Variants in NCALD observed in about 807,000 individuals in gnomAD.
The protein encoded by NCALD is neurocalcin delta.
NCALD carries 10 observed loss-of-function variants against 18.6 expected under a neutral mutation model. The observed-to-expected ratio is 0.54, with a 90% CI of 0.33 to 0.91. The LOEUF (loss-of-function observed/expected upper bound fraction) is 0.91. Ranked by LOEUF, NCALD falls within the 40% of genes least tolerant of loss-of-function variation. The probability of loss-of-function intolerance (pLI) is 0.03; values close to 1 mark genes in which losing one functional copy is unlikely to be tolerated. For synonymous variants in NCALD, 88 were observed against 87.4 expected (o/e 1.01, Z -0.04); for missense variants, 184 against 247.6 (o/e 0.74, Z 1.72).
intron 2 of NCALD, among the ~76,000 whole-genome samples, chr8:102,001,335 A>G (rs1367206138): frequency 6.6e-6 from 1 of 152,204 alleles, no homozygotes; most frequent in Non-Finnish European, 1.5e-5. Flanking sequence ...AAAAAAGAAT[A>G]AAAAGAAATG....
chr8:101,804,639 T>C (rs1207626283), intron 4 of NCALD, among the ~76,000 whole-genome samples: 4 of 135,458 alleles, frequency 3.0e-5, no homozygotes, highest in African/African-American at 1.1e-4. Flanking sequence ...TATAATTAAC[T>C]ATTATATATT....
At chr8:101,974,627 T>G (rs560794347) in intron 2 of NCALD, among the ~76,000 whole-genome samples, 47 of 152,352 alleles carry the variant, frequency 3.1e-4, no homozygotes, top group Middle Eastern at 6.8e-3. Flanking sequence ...GCCTAAATGC[T>G]TACATGACTA....
At chr8:101,845,488 T>A (rs1039759592) in intron 4 of NCALD, among the ~76,000 whole-genome samples, 12 of 152,210 alleles carry the variant, frequency 7.9e-5, no homozygotes, top group Admixed American at 6.5e-4. Context: ...TCCCTATTGG[T>A]CCCATTGAAG....
chr8:102,046,960 C>T (rs1823267509), intron 1 of NCALD, among the ~76,000 whole-genome samples: 1 of 152,162 alleles, frequency 6.6e-6, no homozygotes, highest in African/African-American at 2.4e-5. Context: ...TTTTCCGCTC[C>T]TCTCCCTCCT....
At chr8:101,952,308 C>G (rs576764708) in intron 2 of NCALD, among the ~76,000 whole-genome samples, 2 of 152,186 alleles carry the variant, frequency 1.3e-5, no homozygotes, top group African/African-American at 2.4e-5. Flanking sequence ...CACCAGACCC[C>G]GCTGAAATCT....
upstream of NCALD, among the ~76,000 whole-genome samples, chr8:101,795,240 C>T (rs1032440149): frequency 2.3e-4 from 35 of 152,214 alleles, 1 homozygote; most frequent in African/African-American, 8.4e-4. Context: ...GGCTGGAAGA[C>T]ATCAAAGAGT....
At chr8:102,019,632 C>T (rs1822205802) in intron 2 of NCALD, among the ~76,000 whole-genome samples, 1 of 152,124 alleles carries the variant, frequency 6.6e-6, no homozygotes, top group South Asian at 2.1e-4. Context: ...CCATTCCTGA[C>T]AAGGAATATC....
intron 3 of NCALD, among the ~76,000 whole-genome samples, chr8:101,904,134 G>A (rs192815698): frequency 3.9e-5 from 6 of 152,268 alleles, no homozygotes; most frequent in Admixed American, 3.3e-4. Context: ...GAGTAATTCA[G>A]CTATGCTGTG....
intron 1 of NCALD, among the ~76,000 whole-genome samples, chr8:102,095,974 G>C (rs1158737651): frequency 6.6e-6 from 1 of 152,140 alleles, no homozygotes; most frequent in African/African-American, 2.4e-5. Context: ...CCCAGGTTTA[G>C]CCCTAAAGGT....
chr8:102,119,364 A>G (rs148625605), intron 1 of NCALD, among the ~76,000 whole-genome samples: 1,825 of 152,350 alleles, frequency 0.012, 27 homozygotes, highest in African/African-American at 0.041. Flanking sequence ...AGAGTAGTCA[A>G]TTCATAGAGA....
intron 4 of NCALD, among the ~76,000 whole-genome samples, chr8:101,845,828 T>C (rs1814847071): frequency 1.3e-5 from 2 of 152,194 alleles, no homozygotes; most frequent in African/African-American, 4.8e-5. Context: ...ATATTTACCC[T>C]CTTCTGCCCC....
In NCALD at chr8:101,942,169, G is replaced by A. The variant is rs148738438; in HGVS notation, c.-156-26311C>T. Among the ~76,000 whole-genome samples the A allele has an allele frequency of 4.3e-3, 648 of 152,130 alleles. 7 individuals are homozygous for A. Among genetic ancestry groups the A allele is most frequent in the African/African-American group, 0.015 (613 of 41,486 alleles). The stretch of plus-strand genomic sequence containing the variant: ...TAGAGAATAGGTGACACCCATTCTC[G>A]GAACTAGAACTCATGTTCTGACTGC... On this transcript the variant is annotated intron_variant, in intron 2 of 6. Coordinates refer to the NCALD transcript ENST00000311028.
At chr8:101,780,009 T>C (rs999779808) in intron 1 of NCALD, 1 of 152,176 alleles carries the variant, frequency 6.6e-6, no homozygotes, top group East Asian at 1.9e-4. Flanking sequence ...TTAAACGTAA[T>C]GCTTTTTAAT....
intron 2 of NCALD, among the ~76,000 whole-genome samples, chr8:101,707,980 T>A (rs540523336): frequency 6.6e-6 from 1 of 152,352 alleles, no homozygotes; most frequent in Admixed American, 6.5e-5. Context: ...GTAAAAGTGC[T>A]GATTACAAAT....
Position 101,689,220 on chromosome 8 carries a change from T to C in NCALD, c.*89A>G. 6 of 1,226,940 alleles carry C rather than the reference T, an allele frequency of 4.9e-6. No individual in the cohort carries two copies. The highest frequency in any genetic ancestry group is 2.5e-5 in the East Asian group (1 of 39,642). 76.0% of individuals were successfully genotyped at this position (1,226,940 alleles called of 1,614,324 possible). ...ACAGGGGACGGCATCACCATTGATA[T>C]TGTTTGGCAAAAAAAAAAAAAAATT... On this transcript the variant is annotated 3_prime_UTR_variant, in exon 4 of 4. Transcript: ENST00000220931. This position sits in a 1 kb window ranked among gnomAD's most constrained non-coding sequence, Gnocchi z 4.4.
In NCALD at chr8:101,686,612, C is replaced by T. The variant is rs1814483738; in HGVS notation, c.*2697G>A. 1 of 152,582 alleles carries T rather than the reference C, an allele frequency of 6.6e-6. No individual in the cohort carries two copies. The highest frequency in any genetic ancestry group is 1.5e-5 in the Non-Finnish European group (1 of 68,046). The allele number at this position is 152,582 out of a possible 1,614,324, so 9.5% of individuals were successfully genotyped here. ...CAGTCAACTGATTTACGGGCCACTC[C>T]ATAGGCTATGATTTATAAATTATAT... On this transcript the variant is annotated 3_prime_UTR_variant, in exon 4 of 4. Coordinates refer to ENST00000220931, the MANE Select transcript of NCALD (RefSeq NM_032041.3).
At position 101,898,124 on chromosome 8, in the gene NCALD, T is replaced by C. The variant is rs1360820352; in HGVS notation, c.-106-10897A>G. On this transcript the variant is annotated intron_variant, in intron 3 of 6. Transcript: ENST00000311028. ...CTCCCCAGTCATGTTGAACTGTGAA[T>C]CAATTAAACTTCTTTCCTTTATAAA... Among the ~76,000 whole-genome samples, 3 of 152,224 alleles carry C rather than the reference T, an allele frequency of 2.0e-5. No individual in the cohort carries two copies. The South Asian group carries it at 6.2e-4, about 32-fold the overall frequency.
chr8:101,721,020 G>T (rs1043840243), intron 1 of NCALD, among the ~76,000 whole-genome samples: 1 of 152,158 alleles, frequency 6.6e-6, no homozygotes, highest in Non-Finnish European at 1.5e-5. Context: ...CCCAAAGGGG[G>T]CATGGGTGCT....
At chr8:101,798,176 AAACTT>A (rs1273025453) in intron 4 of NCALD, among the ~76,000 whole-genome samples, 2 of 152,226 alleles carry the variant, frequency 1.3e-5, no homozygotes, top group East Asian at 1.9e-4. Flanking sequence ...GGTAAGGAAA[AAACTT>A]AAAGGCATAC....
Sources: gnomAD v4.1 joint callset for allele counts (sites outside exome capture counted in the v4.1 genomes callset) on GRCh38, gnomAD v4.1.1 for gene constraint, Gnocchi (gnomAD v3.1) non-coding constraint, MANE v1.5 for transcripts, NCBI Gene and HGNC (gene_info 2026-07-23, HGNC 2026-07-21) for gene names.